The following RERE variants were observed in gnomAD, a reference collection of about 807,000 sequenced individuals.
RERE encodes arginine-glutamic acid dipeptide repeats, also known as arginine-glutamic acid dipeptide repeats protein.
In RERE, 40 loss-of-function variants were observed where a neutral mutation model predicts 146.1. The observed-to-expected ratio is 0.27, with a 90% CI of 0.21 to 0.36. RERE has a LOEUF of 0.36. Ranked by LOEUF, RERE falls within the 10% of genes least tolerant of loss-of-function variation. RERE has a pLI of 1.00. For synonymous variants in RERE, 1,003 were observed against 866.0 expected (o/e 1.16, Z -2.78); for missense variants, 1,933 against 2,138.7 (o/e 0.90, Z 1.90).
chr1:8,506,739 T>C (rs1645254700), intron 8 of RERE, among the ~76,000 whole-genome samples: 1 of 152,226 alleles, frequency 6.6e-6, no homozygotes, highest in African/African-American at 2.4e-5. Flanking sequence ...TGGGGAAATT[T>C]TCCTTGCTCC....
At chr1:8,389,607 C>A (rs1642809677) in intron 12 of RERE, among the ~76,000 whole-genome samples, 1 of 152,120 alleles carries the variant, frequency 6.6e-6, no homozygotes, top group Non-Finnish European at 1.5e-5. Flanking sequence ...TAACAAAAAA[C>A]CATGAGGAAG....
At chr1:8,404,895 A>G (rs984270235) in intron 12 of RERE, among the ~76,000 whole-genome samples, 8 of 152,090 alleles carry the variant, frequency 5.3e-5, no homozygotes, top group Admixed American at 6.5e-5. Context: ...GAGAATGACA[A>G]TTAGCCCTAG....
intron 7 of RERE, among the ~76,000 whole-genome samples, chr1:8,530,690 T>TTTC (rs2124366081): frequency 7.0e-6 from 1 of 142,238 alleles, no homozygotes; most frequent in African/African-American, 2.6e-5. Flanking sequence ...TTTTTTTTTT[T>TTTC]TTTTTTTTTT....
intron 11 of RERE, chr1:8,434,512 A>C (rs1428938205): frequency 1.3e-5 from 2 of 152,224 alleles, no homozygotes; most frequent in East Asian, 1.9e-4. Context: ...GGCCACTCCA[A>C]TACAGATTCC....
At chr1:8,730,469 A>T (rs1377007541) in intron 1 of RERE, among the ~76,000 whole-genome samples, 1 of 151,978 alleles carries the variant, frequency 6.6e-6, no homozygotes, top group African/African-American at 2.4e-5. Context: ...CAGCCTCCCA[A>T]GTAGCTGGGA....
chr1:8,739,026 T>C (rs1343143888), intron 1 of RERE, among the ~76,000 whole-genome samples: 1 of 152,226 alleles, frequency 6.6e-6, no homozygotes, highest in Non-Finnish European at 1.5e-5. Flanking sequence ...GAACACTCTA[T>C]GTCCAGTCAT....
chr1:8,439,088 T>C (rs1047987869), intron 11 of RERE, among the ~76,000 whole-genome samples: 1 of 152,314 alleles, frequency 6.6e-6, no homozygotes, highest in Admixed American at 6.5e-5. Flanking sequence ...CAGCCCCAGG[T>C]TGCCAGGCAA....
chr1:8,690,692 C>G (rs1639188999), intron 1 of RERE, among the ~76,000 whole-genome samples: 1 of 152,118 alleles, frequency 6.6e-6, no homozygotes, highest in Non-Finnish European at 1.5e-5. Flanking sequence ...CACCTAGTTT[C>G]ACGGGTCACA....
At chr1:8,741,625 G>A (rs1222679795) in intron 1 of RERE, among the ~76,000 whole-genome samples, 4 of 152,184 alleles carry the variant, frequency 2.6e-5, no homozygotes, top group Admixed American at 2.6e-4. Flanking sequence ...CTGTGAAGAA[G>A]ATGCCTTGCT....
intron 12 of RERE, among the ~76,000 whole-genome samples, chr1:8,370,132 C>A (rs1641979881): frequency 6.6e-6 from 1 of 151,960 alleles, no homozygotes; most frequent in African/African-American, 2.4e-5. Flanking sequence ...AACCTAAATG[C>A]CCACAAGCAG....
At chr1:8,411,636 C>T (rs1408342904) in intron 12 of RERE, among the ~76,000 whole-genome samples, 3 of 152,142 alleles carry the variant, frequency 2.0e-5, no homozygotes, top group Non-Finnish European at 4.4e-5. Flanking sequence ...GGATACATGA[C>T]ATGGAAACAA....
chr1:8,583,192 A>G (rs1051453079), intron 4 of RERE, among the ~76,000 whole-genome samples: 3 of 152,222 alleles, frequency 2.0e-5, no homozygotes, highest in African/African-American at 7.2e-5. Flanking sequence ...GAAGGATGGT[A>G]GCATTGGCAG....
chr1:8,358,865 C>G lies in RERE; in HGVS notation c.3670G>C (p.Gly1224Arg), dbSNP rs757937844. The change falls in exon 20 of 23, where the codon GGT (glycine) becomes CGT (arginine). Residue 1224 changes from glycine (G) to arginine (R), a missense_variant. Around this residue, in one of 11 missense-constraint regions of RERE, gnomAD observed 1,255 missense variants for 1,153.8 expected, o/e 1.09. Coordinates refer to ENST00000400908, the MANE Select transcript of RERE (RefSeq NM_001042681.2). ...EGRLSDPQLSGPGHMRPSFEP... is the reference protein window; with the variant it reads ...EGRLSDPQLSRPGHMRPSFEP... ...AAGGATGGCCGCATGTGGCCAGGAC[C>G]ACTGAGCTGTGGGTCACTGAGGCGA... The G allele has an allele frequency of 1.3e-6, 2 of 1,586,448 alleles. No homozygotes were observed. Among genetic ancestry groups the G allele is most frequent in the Non-Finnish European group, 1.7e-6 (2 of 1,164,884 alleles).
chr1:8,794,530 C>T (rs1224909201), intron 1 of RERE, among the ~76,000 whole-genome samples: 3 of 152,030 alleles, frequency 2.0e-5, no homozygotes, highest in Admixed American at 6.6e-5. Flanking sequence ...TGATGCCATT[C>T]CCATTGTATT....
At chr1:8,680,856 C>T (rs998403375) in intron 1 of RERE, among the ~76,000 whole-genome samples, 1 of 152,098 alleles carries the variant, frequency 6.6e-6, no homozygotes, top group Admixed American at 6.5e-5. Context: ...CACTATAGCC[C>T]GGGAGAAAGA....
At chr1:8,638,813 T>A (rs1414272807) in intron 2 of RERE, among the ~76,000 whole-genome samples, 1 of 128,652 alleles carries the variant, frequency 7.8e-6, no homozygotes, top group African/African-American at 3.1e-5. Flanking sequence ...TTTTTTGAGA[T>A]GGAGTCTCGC....
chr1:8,682,937 G>C (rs1363304546), intron 1 of RERE, among the ~76,000 whole-genome samples: 2 of 143,288 alleles, frequency 1.4e-5, no homozygotes, highest in Admixed American at 7.6e-5. Flanking sequence ...ACTACTCAAT[G>C]CTATACTTCG....
chr1:8,476,296 G>A (rs1426003661), intron 10 of RERE, among the ~76,000 whole-genome samples: 1 of 152,170 alleles, frequency 6.6e-6, no homozygotes, highest in Non-Finnish European at 1.5e-5. Flanking sequence ...GCAGCATGAG[G>A]ATTCTAACAT....
At chr1:8,402,223 T>C (rs1039900901) in intron 12 of RERE, among the ~76,000 whole-genome samples, 1 of 152,184 alleles carries the variant, frequency 6.6e-6, no homozygotes, top group African/African-American at 2.4e-5. Context: ...CAGCCAACCA[T>C]CATGCTGTGG....
Sources: allele counts gnomAD v4.1 joint callset (sites outside exome capture counted in the v4.1 genomes callset), GRCh38; gene constraint gnomAD v4.1.1; regional missense constraint gnomAD v4.1.1; transcripts MANE v1.5; gene names NCBI Gene and HGNC (gene_info 2026-07-23, HGNC 2026-07-21).